Variants in DNAH12 observed in about 807,000 individuals in gnomAD.
DNAH12 encodes axonemal beta dynein heavy chain 12.
A neutral mutation model predicts 371.5 loss-of-function variants in DNAH12; 285 were observed. That is an observed-to-expected ratio of 0.77 (90% confidence interval 0.70 to 0.85). The LOEUF is 0.85. DNAH12 is among the 40% of genes least tolerant of loss of function. The probability of loss-of-function intolerance (pLI) is 0.00; values close to 1 mark genes in which losing one functional copy is unlikely to be tolerated. For synonymous variants in DNAH12, 1,200 were observed against 1,213.0 expected (o/e 0.99, Z 0.22); for missense variants, 3,611 against 3,689.4 (o/e 0.98, Z 0.55).
intron 43 of DNAH12, among the ~76,000 whole-genome samples, chr3:57,396,668 T>C (rs1313812847): frequency 6.6e-6 from 1 of 152,096 alleles, no homozygotes; most frequent in African/African-American, 2.4e-5. Context: ...TGCATTCCAC[T>C]ACAAGTGATT....
rs1260632644 is a variant in DNAH12 at position 57,421,596 on chromosome 3, TTCA to T, written c.5481_5483del (p.Asp1827del). Reference sequence around the variant, plus strand: ...TACCCACAGAATCTGGCACTGGGTTTTCATCATCTTTTCCCAGTATGATTAATC... The same window carrying T: ...TACCCACAGAATCTGGCACTGGGTTTTCATCTTTTCCCAGTATGATTAATC... On this transcript the variant is annotated inframe_deletion, in exon 36 of 74. Coordinates refer to ENST00000495027, the MANE Select transcript of DNAH12 (RefSeq NM_001366028.2). 1.9e-6 allele frequency: 3 copies of T among 1,551,684 alleles called. No homozygotes were observed. Among genetic ancestry groups the T allele is most frequent in the South Asian group, 1.2e-5 (1 of 84,064 alleles).
intron 13 of DNAH12, among the ~76,000 whole-genome samples, chr3:57,479,888 A>G (rs1559704158): frequency 6.6e-6 from 1 of 152,254 alleles, no homozygotes; most frequent in Non-Finnish European, 1.5e-5. Context: ...CAAAGACACA[A>G]CATACCAGAA....
At chr3:57,512,874 C>T (rs2068048239) in intron 4 of DNAH12, among the ~76,000 whole-genome samples, 1 of 152,086 alleles carries the variant, frequency 6.6e-6, no homozygotes, top group African/African-American at 2.4e-5. Flanking sequence ...CATGGTGGCT[C>T]ACACCTGTAA....
chr3:57,355,442 G>A (rs1217955020), intron 59 of DNAH12, among the ~76,000 whole-genome samples: 1 of 149,836 alleles, frequency 6.7e-6, no homozygotes, highest in African/African-American at 2.4e-5. Context: ...CATGTTGAAG[G>A]GGGGAAAACT....
rs955221852 is a variant in DNAH12 at position 57,472,597 on chromosome 3, A to C, written c.1725T>G (p.Thr575=). Residue 575 remains threonine, a synonymous_variant, in exon 14 of 74, where the codon ACT becomes ACG. Coordinates refer to ENST00000495027, the MANE Select transcript of DNAH12 (RefSeq NM_001366028.2). The part of the protein sequence containing the change: ...FPQEDLALNA[T]VLMWPRKINP... ...TAATTTTCCTAGGCCACATGAGGACAGTTGCATTTAAAGCTAAGTCTTCTT... is the reference window on the plus strand; with the variant it reads ...TAATTTTCCTAGGCCACATGAGGACCGTTGCATTTAAAGCTAAGTCTTCTT... 19 of 1,551,182 alleles carry C rather than the reference A, an allele frequency of 1.2e-5. No individual in the cohort carries two copies. The highest frequency in any genetic ancestry group is 1.7e-5 in the Non-Finnish European group (19 of 1,146,804).
chr3:57,487,381 AAAAG>A (rs2066965686), intron 12 of DNAH12, among the ~76,000 whole-genome samples: 1 of 142,924 alleles, frequency 7.0e-6, no homozygotes, highest in African/African-American at 2.6e-5. Flanking sequence ...AAGAAAAAAA[AAAAG>A]AAAGAGAAAG....
chr3:57,350,511 C>G (rs1553659796), intron 60 of DNAH12, among the ~76,000 whole-genome samples: 1 of 151,946 alleles, frequency 6.6e-6, no homozygotes, highest in Non-Finnish European at 1.5e-5. Context: ...TTCCTTAGAC[C>G]ACACACACAC....
In DNAH12 at chr3:57,314,565, C is replaced by T; in HGVS notation, c.10591G>A (p.Gly3531Ser). The T allele has an allele frequency of 6.4e-7, 1 of 1,551,114 alleles. No homozygotes were observed. Among genetic ancestry groups the T allele is most frequent in the Non-Finnish European group, 8.7e-7 (1 of 1,146,848 alleles). Reference sequence around the variant, plus strand: ...TATGGAATATTCCAACCAAGAGGACCAAATTTCTTTCTCTCTTGCACAAGG... The same window carrying T: ...TATGGAATATTCCAACCAAGAGGACTAAATTTCTTTCTCTCTTGCACAAGG... ...HALVQERKKFGPLGWNIPYGF... is the reference protein window; with the variant it reads ...HALVQERKKFSPLGWNIPYGF... The change falls in exon 66 of 74, where the codon GGT becomes AGT. Residue 3531 changes from glycine (G) to serine (S), a missense_variant. This residue lies in a region of DNAH12 where 2,266 missense variants were observed against 2,236.9 expected (regional missense o/e 1.01). Coordinates refer to ENST00000495027, the MANE Select transcript of DNAH12 (RefSeq NM_001366028.2).
chr3:57,381,276 TTAA>T (rs2063385143), intron 50 of DNAH12, among the ~76,000 whole-genome samples: 1 of 151,610 alleles, frequency 6.6e-6, no homozygotes, highest in Non-Finnish European at 1.5e-5. Flanking sequence ...TGAGAATAAC[TTAA>T]TAAGGTAAGA....
chr3:57,496,477 T>C (rs1235595429), intron 11 of DNAH12, among the ~76,000 whole-genome samples: 1 of 152,090 alleles, frequency 6.6e-6, no homozygotes, highest in Non-Finnish European at 1.5e-5. Flanking sequence ...CGCCCTCCCA[T>C]GATAAAAACT....
chr3:57,302,529 G>GTA (rs71088055), intron 69 of DNAH12, among the ~76,000 whole-genome samples: 30 of 47,852 alleles, frequency 6.3e-4, no homozygotes, highest in Non-Finnish European at 8.9e-4. Flanking sequence ...GGCATCAGGT[G>GTA]TATATATATA....
chr3:57,501,964 T>G (rs1244703404), intron 10 of DNAH12, among the ~76,000 whole-genome samples: 1 of 151,798 alleles, frequency 6.6e-6, no homozygotes, highest in Admixed American at 6.6e-5. Context: ...TGGAGAGCAG[T>G]GGCGCGATCT....
chr3:57,507,610 CATT>C, intron 8 of DNAH12, 30 bp downstream of exon 8: 18 of 1,426,570 alleles, frequency 1.3e-5, no homozygotes, highest in Non-Finnish European at 1.6e-5. Flanking sequence ...ATTTTAATAA[CATT>C]ATCATTTAAT....
Position 57,446,475 on chromosome 3 carries a change from T to C in DNAH12, c.3939+62A>G. 2.7e-6 allele frequency: 4 copies of C among 1,474,430 alleles called. No homozygotes were observed. The East Asian group carries it at 7.5e-5, about 28-fold the overall frequency. The allele number at this position is 1,474,430 out of a possible 1,614,324, so 91.3% of individuals were successfully genotyped here. ...TTAAACATGAGTTTGCTTCCATTTA[T>C]CCAATTAGACCTAGCTGTAAGTTTG... is the stretch of plus-strand genomic sequence containing the variant. On this transcript the variant is annotated intron_variant, in intron 26 of 73. Coordinates refer to ENST00000495027, the MANE Select transcript of DNAH12 (RefSeq NM_001366028.2).
Position 57,330,730 on chromosome 3 carries a change from A to G in DNAH12, c.9978+3735T>C, listed in dbSNP as rs903692941. ...AAGTATAATAATTAAAAAAAAAAAA[A>G]AAAGAAAAATGCCTGATTTCCCCTG... On this transcript the variant is annotated intron_variant, in intron 62 of 73. Transcript: ENST00000495027. Among the ~76,000 whole-genome samples the G allele has an allele frequency of 2.6e-5, 4 of 151,992 alleles. No homozygotes were observed. The South Asian group carries it at 6.2e-4, about 24-fold the overall frequency.
At chr3:57,400,260 C>T (rs1035573672) in intron 43 of DNAH12, among the ~76,000 whole-genome samples, 6 of 152,012 alleles carry the variant, frequency 3.9e-5, no homozygotes, top group Admixed American at 2.0e-4. Context: ...TGCACTCCAG[C>T]CTGGGGCAGA....
At chr3:57,528,986 G>C (rs1247195506) in intron 2 of DNAH12, among the ~76,000 whole-genome samples, 1 of 151,860 alleles carries the variant, frequency 6.6e-6, no homozygotes, top group Non-Finnish European at 1.5e-5. Flanking sequence ...TTTTAGTAGA[G>C]ATGAGGTTTC....
intron 19 of DNAH12, among the ~76,000 whole-genome samples, chr3:57,460,319 A>G (rs1050567278): frequency 1.3e-5 from 2 of 152,188 alleles, no homozygotes; most frequent in Non-Finnish European, 2.9e-5. Flanking sequence ...TCTACTCTAC[A>G]TCAACACAAT....
At chr3:57,336,971 G>C (rs1376667757) in intron 60 of DNAH12, among the ~76,000 whole-genome samples, 4 of 152,008 alleles carry the variant, frequency 2.6e-5, no homozygotes, top group African/African-American at 7.2e-5. Context: ...CTGGCTAAAT[G>C]AATAAAAAAC....
Sources: gnomAD v4.1 joint callset for allele counts (sites outside exome capture counted in the v4.1 genomes callset) on GRCh38, gnomAD v4.1.1 for gene constraint, gnomAD v4.1.1 regional missense constraint, MANE v1.5 for transcripts, NCBI Gene and HGNC (gene_info 2026-07-23, HGNC 2026-07-21) for gene names.